The following TMEM117 variants were observed in gnomAD, a reference collection of about 807,000 sequenced individuals.
TMEM117 encodes the protein transmembrane protein 117.
Under a neutral mutation model 52.4 loss-of-function variants are expected in TMEM117, and 27 were observed. The ratio of observed to expected loss-of-function variants is 0.51; its 90% CI spans 0.38 to 0.71. TMEM117 has a LOEUF of 0.71. Among genes scored for constraint, TMEM117 ranks in the 30% least tolerant of loss-of-function variants. TMEM117 has a pLI of 0.00. For missense variants in TMEM117, 556 were observed against 630.5 expected (o/e 0.88, Z 1.26); for synonymous variants, 215 against 206.3 (o/e 1.04, Z -0.36).
At chr12:44,382,188 T>C (rs1348313734) in intron 7 of TMEM117, among the ~76,000 whole-genome samples, 1 of 152,104 alleles carries the variant, frequency 6.6e-6, no homozygotes, top group Non-Finnish European at 1.5e-5. Flanking sequence ...TGGCCCTGAG[T>C]TTCTGCCCTG....
At chr12:43,845,707 G>T (rs557094561) in intron 2 of TMEM117, among the ~76,000 whole-genome samples, 2 of 148,806 alleles carry the variant, frequency 1.3e-5, no homozygotes, top group East Asian at 4.0e-4. Flanking sequence ...CCAACCCCAT[G>T]ACAGGGCCTG....
chr12:44,047,016 G>T (rs1489071039), intron 3 of TMEM117, among the ~76,000 whole-genome samples: 1 of 152,022 alleles, frequency 6.6e-6, no homozygotes, highest in African/African-American at 2.4e-5. Context: ...AACTTGTGAT[G>T]GTTAATACTG....
intron 2 of TMEM117, among the ~76,000 whole-genome samples, chr12:43,863,797 C>T (rs189234377): frequency 4.4e-4 from 67 of 152,320 alleles, no homozygotes; most frequent in Admixed American, 7.8e-4. Flanking sequence ...CCATTCTGGC[C>T]ACACTTGAGG....
chr12:43,884,210 C>T (rs2699992), intron 2 of TMEM117, among the ~76,000 whole-genome samples: 120,258 of 151,626 alleles, frequency 0.79, 50,226 homozygotes, highest in East Asian at 0.94. Flanking sequence ...CCCATATTGA[C>T]AGCAGAGAGC....
At chr12:44,223,110 T>G (rs1949811734) in intron 5 of TMEM117, among the ~76,000 whole-genome samples, 1 of 149,034 alleles carries the variant, frequency 6.7e-6, no homozygotes, top group African/African-American at 2.5e-5. Context: ...GGTAAATTTG[T>G]GTCATGGGGT....
chr12:44,265,699 C>T (rs1950369632), intron 5 of TMEM117, among the ~76,000 whole-genome samples: 1 of 152,126 alleles, frequency 6.6e-6, no homozygotes. Context: ...CTCTCTGATT[C>T]TGAAACATTT....
At chr12:43,859,303 G>A (rs940885474) in intron 2 of TMEM117, among the ~76,000 whole-genome samples, 1 of 152,202 alleles carries the variant, frequency 6.6e-6, no homozygotes, top group African/African-American at 2.4e-5. Flanking sequence ...TGGTTGCAGT[G>A]TAGAGTGTGA....
intron 1 of TMEM117, among the ~76,000 whole-genome samples, chr12:43,840,598 T>C (rs1943102367): frequency 6.6e-6 from 1 of 152,178 alleles, no homozygotes; most frequent in Non-Finnish European, 1.5e-5. Flanking sequence ...TTTGTGAGTG[T>C]ACCACTCAGC....
At chr12:44,219,654 T>G (rs961728093) in intron 5 of TMEM117, among the ~76,000 whole-genome samples, 6 of 152,156 alleles carry the variant, frequency 3.9e-5, no homozygotes, top group Admixed American at 2.0e-4. Flanking sequence ...TTAAATACTA[T>G]AGTTGATGTC....
intron 6 of TMEM117, among the ~76,000 whole-genome samples, chr12:44,314,328 C>A (rs558690989): frequency 7.6e-4 from 115 of 152,072 alleles, no homozygotes; most frequent in African/African-American, 2.7e-3. Flanking sequence ...TTATCAAAAG[C>A]CTTTTATACT....
At chr12:43,933,507 A>G (rs1944905064) in intron 2 of TMEM117, among the ~76,000 whole-genome samples, 3 of 150,154 alleles carry the variant, frequency 2.0e-5, no homozygotes, top group Admixed American at 6.6e-5. Context: ...GCCCAGTAAT[A>G]CTAATTTTTA....
chr12:43,914,392 T>A (rs183955880), intron 2 of TMEM117, among the ~76,000 whole-genome samples: 391 of 152,300 alleles, frequency 2.6e-3, no homozygotes, highest in Middle Eastern at 6.8e-3. Context: ...TCACATTTTG[T>A]TCTTCTTTAT....
intron 3 of TMEM117, among the ~76,000 whole-genome samples, chr12:44,137,096 C>CAAA (rs201028902): frequency 8.1e-5 from 8 of 98,462 alleles, no homozygotes; most frequent in Admixed American, 7.7e-4. Flanking sequence ...TTTCATTTGC[C>CAAA]AAAAAAAAAA....
intron 5 of TMEM117, among the ~76,000 whole-genome samples, chr12:44,299,128 A>AT (rs375671360): frequency 0.042 from 5,222 of 125,410 alleles, 268 homozygotes; most frequent in African/African-American, 0.075. Flanking sequence ...AAGGCATTTA[A>AT]TTTTTTTTTT....
chr12:44,026,113 C>T (rs567461766), intron 3 of TMEM117, among the ~76,000 whole-genome samples: 164 of 152,280 alleles, frequency 1.1e-3, no homozygotes, highest in African/African-American at 3.9e-3. Flanking sequence ...ATTATCACAT[C>T]TTGGTCTTGT....
chr12:44,097,875 T>C (rs1247901429), intron 3 of TMEM117, among the ~76,000 whole-genome samples: 3 of 151,682 alleles, frequency 2.0e-5, no homozygotes, highest in Non-Finnish European at 4.4e-5. Flanking sequence ...TAAAATAAAA[T>C]AAAATAAAAA....
Position 44,312,438 on chromosome 12 carries a change from A to AT in TMEM117, c.768+12705dup, listed in dbSNP as rs556041457. On this transcript the variant is annotated intron_variant, in intron 6 of 7. Coordinates refer to ENST00000266534, the MANE Select transcript of TMEM117 (RefSeq NM_032256.3). ...AATCTATGTTGCTGCAAAGGACATG[A>AT]TTTTTTCTTTTTCATGGCTGTGTAA... Among the ~76,000 whole-genome samples the AT allele has an allele frequency of 2.7e-4, 41 of 150,822 alleles. 2 individuals carry two copies. The South Asian group carries it at 8.1e-3, about 30-fold the overall frequency.
the TMEM117 span, chr12:43,795,802 G>A: frequency 1.3e-6 from 2 of 1,590,044 alleles, no homozygotes; most frequent in South Asian, 1.1e-5. Flanking sequence ...CCTAATACAA[G>A]CAACAAGCTG....
At chr12:44,254,549 CA>C (rs1950234793) in intron 5 of TMEM117, among the ~76,000 whole-genome samples, 2 of 151,714 alleles carry the variant, frequency 1.3e-5, no homozygotes, top group South Asian at 4.2e-4. Flanking sequence ...ATCAACCTTT[CA>C]AAAAATAAAT....
Sources: allele counts gnomAD v4.1 joint callset (sites outside exome capture counted in the v4.1 genomes callset), GRCh38; gene constraint gnomAD v4.1.1; transcripts MANE v1.5; gene names NCBI Gene and HGNC (gene_info 2026-07-23, HGNC 2026-07-21).